Variants in MARCHF11 observed in about 807,000 individuals in gnomAD.
MARCHF11 encodes E3 ubiquitin-protein ligase MARCHF11.
Under a neutral mutation model 37.3 loss-of-function variants are expected in MARCHF11, and 29 were observed. The ratio of observed to expected loss-of-function variants is 0.78; its 90% CI spans 0.58 to 1.06. The LOEUF (loss-of-function observed/expected upper bound fraction) is 1.06, where lower values mean the gene tolerates loss of function less well. MARCHF11 is among the 50% of genes least tolerant of loss of function. The probability of loss-of-function intolerance (pLI) is 0.00; values close to 1 mark genes in which losing one functional copy is unlikely to be tolerated. For synonymous variants in MARCHF11, 233 were observed against 228.0 expected, an observed-to-expected ratio of 1.02 and a Z score of -0.20; for missense variants, 482 against 533.4, an observed-to-expected ratio of 0.90 and a Z score of 0.95.
chr5:16,162,497 T>C (rs574165496), intron 2 of MARCHF11, among the ~76,000 whole-genome samples: 7 of 152,160 alleles, frequency 4.6e-5, no homozygotes, highest in Admixed American at 2.0e-4. Flanking sequence ...AATTCAAAGA[T>C]CATGGATTGG....
At chr5:16,128,549 G>A (rs1464047347) in intron 2 of MARCHF11, among the ~76,000 whole-genome samples, 1 of 152,194 alleles carries the variant, frequency 6.6e-6, no homozygotes, top group Non-Finnish European at 1.5e-5. Context: ...CTAAAAGAAG[G>A]ACGGGCAAGA....
At chr5:16,121,875 C>T (rs1737314283) in intron 2 of MARCHF11, among the ~76,000 whole-genome samples, 1 of 152,172 alleles carries the variant, frequency 6.6e-6, no homozygotes, top group African/African-American at 2.4e-5. Flanking sequence ...TCACAGCTGT[C>T]CATAATAACA....
At chr5:16,094,578 A>G (rs1298487607) in intron 2 of MARCHF11, among the ~76,000 whole-genome samples, 2 of 152,112 alleles carry the variant, frequency 1.3e-5, no homozygotes, top group African/African-American at 4.8e-5. Flanking sequence ...ACATTTGGAA[A>G]GAAAAGTAAT....
At chr5:16,104,914 A>AAC (rs35858618) in intron 2 of MARCHF11, among the ~76,000 whole-genome samples, 3,145 of 149,640 alleles carry the variant, frequency 0.021, 37 homozygotes, top group African/African-American at 0.033. Context: ...GACTAAAGGA[A>AAC]ACACACACAC....
chr5:16,158,894 C>T (rs1057462353), intron 2 of MARCHF11, among the ~76,000 whole-genome samples: 3 of 151,790 alleles, frequency 2.0e-5, no homozygotes, highest in Admixed American at 2.0e-4. Context: ...TTTGTTGCCC[C>T]CTCCCTGTGT....
At chr5:16,146,133 A>T (rs1370131536) in intron 2 of MARCHF11, among the ~76,000 whole-genome samples, 1 of 152,218 alleles carries the variant, frequency 6.6e-6, no homozygotes, top group Non-Finnish European at 1.5e-5. Context: ...CTGAGACATC[A>T]TGTCAACCTC....
intron 2 of MARCHF11, among the ~76,000 whole-genome samples, chr5:16,129,828 C>T (rs1737485640): frequency 6.6e-6 from 1 of 152,130 alleles, no homozygotes; most frequent in African/African-American, 2.4e-5. Flanking sequence ...TTTATGACAT[C>T]TGGACCAACT....
chr5:16,097,152 C>G (rs534658608), intron 2 of MARCHF11, among the ~76,000 whole-genome samples: 2 of 152,282 alleles, frequency 1.3e-5, no homozygotes, highest in Non-Finnish European at 2.9e-5. Flanking sequence ...AACTTACATT[C>G]AGTCATCTTT....
chr5:16,099,374 T>TTA (rs1363211804), intron 2 of MARCHF11, among the ~76,000 whole-genome samples: 5 of 152,188 alleles, frequency 3.3e-5, no homozygotes, highest in Non-Finnish European at 5.9e-5. Flanking sequence ...GAAAAAGGGT[T>TTA]CCTCAACTGT....
intron 2 of MARCHF11, among the ~76,000 whole-genome samples, chr5:16,105,506 C>T (rs535161675): frequency 6.6e-6 from 1 of 152,148 alleles, no homozygotes; most frequent in Non-Finnish European, 1.5e-5. Context: ...AACTTTAGGG[C>T]AATCATTCAT....
intron 2 of MARCHF11, among the ~76,000 whole-genome samples, chr5:16,127,644 AGGGAGGGAC>A (rs1737433528): frequency 6.6e-6 from 1 of 152,248 alleles, no homozygotes. Context: ...GTTCCCCAGC[AGGGAGGGAC>A]CGTCCTAACT....
At chr5:16,124,665 C>A (rs1481084212) in intron 2 of MARCHF11, among the ~76,000 whole-genome samples, 1 of 152,102 alleles carries the variant, frequency 6.6e-6, no homozygotes, top group Non-Finnish European at 1.5e-5. Context: ...GGAGTCAAAA[C>A]TGGAGGCATG....
At chr5:16,135,880 TAAAA>T (rs11345766) in intron 2 of MARCHF11, among the ~76,000 whole-genome samples, 2 of 119,682 alleles carry the variant, frequency 1.7e-5, no homozygotes, top group African/African-American at 3.1e-5. Flanking sequence ...GAAAGAGATT[TAAAA>T]AAAAAAAAAA....
At chr5:16,129,763 A>AT (rs1368456575) in intron 2 of MARCHF11, among the ~76,000 whole-genome samples, 4 of 152,144 alleles carry the variant, frequency 2.6e-5, no homozygotes, top group African/African-American at 9.7e-5. Context: ...AGACATAGTG[A>AT]TTTCCAATTG....
intron 3 of MARCHF11, 148 bp from the exon 4 acceptor site, chr5:16,067,941 C>T (rs562629359): frequency 2.7e-6 from 2 of 729,788 alleles, no homozygotes; most frequent in African/African-American, 3.6e-5. Context: ...AATATTATGG[C>T]TAATGGCAAG....
At chr5:16,132,265 C>T (rs979174848) in intron 2 of MARCHF11, among the ~76,000 whole-genome samples, 2 of 152,308 alleles carry the variant, frequency 1.3e-5, no homozygotes, top group African/African-American at 2.4e-5. Context: ...AGAAGGGACA[C>T]GGTGTGATGA....
intron 3 of MARCHF11, among the ~76,000 whole-genome samples, chr5:16,084,312 C>A (rs865988872): frequency 3.8e-4 from 58 of 152,096 alleles, no homozygotes; most frequent in Admixed American, 1.3e-4. Context: ...TCAAATAGGA[C>A]AAACAGATTT....
rs112460072 is a variant in MARCHF11 at position 16,087,834 on chromosome 5, T to C, written c.886+3055A>G. Among the ~76,000 whole-genome samples, 468 of 152,276 alleles carry C rather than the reference T, an allele frequency of 3.1e-3. 1 individual carries two copies. Among genetic ancestry groups the C allele is most frequent in the African/African-American group, 0.011 (455 of 41,552 alleles). ...AAATAAATTTCCCCAAGTAAACAAA[T>C]GTTCTCCAAATCTTAACTTCTATTT... On this transcript the variant is annotated intron_variant, in intron 3 of 3. Coordinates refer to ENST00000332432, the MANE Select transcript of MARCHF11 (RefSeq NM_001102562.3).
intron 3 of MARCHF11, among the ~76,000 whole-genome samples, chr5:16,082,442 C>T (rs1736626917): frequency 6.6e-6 from 1 of 152,108 alleles, no homozygotes; most frequent in Non-Finnish European, 1.5e-5. Flanking sequence ...TAACAGACAC[C>T]AGGCACGGCC....
Sources: gnomAD v4.1 joint callset for allele counts (sites outside exome capture counted in the v4.1 genomes callset) on GRCh38, gnomAD v4.1.1 for gene constraint, MANE v1.5 for transcripts, NCBI Gene and HGNC (gene_info 2026-07-23, HGNC 2026-07-21) for gene names.